The following CACNG2 variants were observed in gnomAD, a reference collection of about 807,000 sequenced individuals.
CACNG2 encodes the protein calcium voltage-gated channel auxiliary subunit gamma 2.
CACNG2 carries 3 observed loss-of-function variants against 25.9 expected under a neutral mutation model. The ratio of observed to expected loss-of-function variants is 0.12; its 90% CI spans 0.05 to 0.30. CACNG2 has a LOEUF of 0.30. Ranked by LOEUF, CACNG2 falls within the 10% of genes least tolerant of loss-of-function variation. The pLI is 1.00. For missense variants in CACNG2, 341 were observed against 432.5 expected (o/e 0.79, Z 1.88); for synonymous variants, 167 against 173.3 (o/e 0.96, Z 0.29).
At chr22:36,587,728 C>T (rs1000602805) in intron 1 of CACNG2, among the ~76,000 whole-genome samples, 180 bp from the exon 2 acceptor site, 14 of 152,346 alleles carry the variant, frequency 9.2e-5, no homozygotes, top group African/African-American at 3.1e-4. Flanking sequence ...AACACACACA[C>T]CCGCAGTACT....
chr22:36,601,314 A>T (rs2145932033), intron 1 of CACNG2, among the ~76,000 whole-genome samples: 1 of 152,224 alleles, frequency 6.6e-6, no homozygotes, highest in South Asian at 2.1e-4. Context: ...AGTTTCATGC[A>T]TGTTGTGGCA....
chr22:36,629,543 T>TGTGA (rs952230457), intron 1 of CACNG2, among the ~76,000 whole-genome samples: 1 of 151,318 alleles, frequency 6.6e-6, no homozygotes, highest in Non-Finnish European at 1.5e-5. Context: ...TGTGTGTGTG[T>TGTGA]GAGAGAGAGA....
At chr22:36,576,846 A>T (rs759854151) in intron 2 of CACNG2, among the ~76,000 whole-genome samples, 1 of 152,166 alleles carries the variant, frequency 6.6e-6, no homozygotes, top group Non-Finnish European at 1.5e-5. Flanking sequence ...ATGAATTAAG[A>T]TAATGTTTCA....
intron 1 of CACNG2, among the ~76,000 whole-genome samples, chr22:36,663,988 C>A (rs1297606479): frequency 1.3e-5 from 2 of 152,174 alleles, no homozygotes; most frequent in South Asian, 2.1e-4. Flanking sequence ...GGAGCACAAC[C>A]AATAATGAGC....
chr22:36,593,850 G>C (rs890935146), intron 1 of CACNG2, among the ~76,000 whole-genome samples: 1 of 151,954 alleles, frequency 6.6e-6, no homozygotes, highest in Non-Finnish European at 1.5e-5. Context: ...CCTGGATTCA[G>C]TCTGATTAAT....
chr22:36,591,825 C>T (rs559163474), intron 1 of CACNG2, among the ~76,000 whole-genome samples: 26 of 152,042 alleles, frequency 1.7e-4, no homozygotes, highest in African/African-American at 5.8e-4. Context: ...CAGCAGAGCT[C>T]GTGGGTGCAG....
At chr22:36,677,577 T>C (rs1335180139) in intron 1 of CACNG2, among the ~76,000 whole-genome samples, 2 of 152,184 alleles carry the variant, frequency 1.3e-5, no homozygotes, top group African/African-American at 4.8e-5. Flanking sequence ...ATTTAACCCA[T>C]TGTGGCCTTA....
intron 1 of CACNG2, among the ~76,000 whole-genome samples, chr22:36,667,051 C>T (rs1936885090): frequency 6.6e-6 from 1 of 151,484 alleles, no homozygotes; most frequent in Admixed American, 6.6e-5. Flanking sequence ...GTGCAGTGGC[C>T]CAATCTTGGC....
Position 36,566,478 on chromosome 22 carries a change from G to C in CACNG2, c.311C>G (p.Ser104Cys). ...CACACTCAGGATTGGGAAAATGCTGGAGGCCCTCACGGCCCCTGTGGAACA... is the reference window on the plus strand; with the variant it reads ...CACACTCAGGATTGGGAAAATGCTGCAGGCCCTCACGGCCCCTGTGGAACA... ...AEYFLRAVRA[S>C]SIFPILSVIL... Residue 104 changes from serine (S) to cysteine (C), a missense_variant, in exon 3 of 4, where the codon TCC (serine) becomes TGC (cysteine). Physicochemically the swap from Ser to Cys is moderately radical, Grantham distance 112 (BLOSUM62 -1). This residue lies in a region of CACNG2 where 169 missense variants were observed against 254.4 expected (regional missense o/e 0.66). Transcript: ENST00000300105. 1 of 1,614,162 alleles carries C rather than the reference G, an allele frequency of 6.2e-7. No homozygotes were observed.
chr22:36,639,856 T>C (rs1254778861), intron 1 of CACNG2, among the ~76,000 whole-genome samples: 1 of 152,212 alleles, frequency 6.6e-6, no homozygotes, highest in Non-Finnish European at 1.5e-5. Flanking sequence ...ATGGGAACCC[T>C]GAGGCCCTGT....
At chr22:36,638,116 T>A (rs990874359) in intron 1 of CACNG2, among the ~76,000 whole-genome samples, 2 of 152,208 alleles carry the variant, frequency 1.3e-5, no homozygotes, top group African/African-American at 4.8e-5. Context: ...TATGTCAATA[T>A]CATTGGTGGT....
At chr22:36,640,200 G>C (rs955927034) in intron 1 of CACNG2, among the ~76,000 whole-genome samples, 1 of 152,140 alleles carries the variant, frequency 6.6e-6, no homozygotes, top group Admixed American at 6.5e-5. Context: ...TGAAGATCGC[G>C]GCTCCTTCAC....
chr22:36,569,700 C>T (rs112828770), intron 2 of CACNG2, among the ~76,000 whole-genome samples: 9 of 152,266 alleles, frequency 5.9e-5, no homozygotes, highest in East Asian at 5.8e-4. Flanking sequence ...CCACCATGTC[C>T]GGCTAATTTT....
At chr22:36,683,592 T>A (rs985718718) in intron 1 of CACNG2, among the ~76,000 whole-genome samples, 1 of 152,126 alleles carries the variant, frequency 6.6e-6, no homozygotes, top group African/African-American at 2.4e-5. Flanking sequence ...CCCACTCAGG[T>A]ATGATCATTA....
intron 1 of CACNG2, among the ~76,000 whole-genome samples, chr22:36,610,376 G>A (rs1162579363): frequency 6.6e-6 from 1 of 151,768 alleles, no homozygotes; most frequent in Admixed American, 6.6e-5. Context: ...TGATTGGGAG[G>A]AATCAGCTCC....
At chr22:36,654,628 C>G (rs9306311) in intron 1 of CACNG2, among the ~76,000 whole-genome samples, 34,521 of 152,036 alleles carry the variant, frequency 0.23, 4,201 homozygotes, top group Middle Eastern at 0.34. Flanking sequence ...AGCTGTGTCT[C>G]TTAAGAGTCA....
intron 1 of CACNG2, among the ~76,000 whole-genome samples, chr22:36,592,070 C>A (rs185903883): frequency 6.6e-6 from 1 of 151,676 alleles, no homozygotes; most frequent in Non-Finnish European, 1.5e-5. Flanking sequence ...ACATTTGTGG[C>A]ATGGGTGCAG....
At chr22:36,572,439 C>T (rs1458128211) in intron 2 of CACNG2, among the ~76,000 whole-genome samples, 1 of 152,176 alleles carries the variant, frequency 6.6e-6, no homozygotes, top group Non-Finnish European at 1.5e-5. Flanking sequence ...TCCAATAAAA[C>T]TTTATTTACA....
chr22:36,654,896 C>G (rs58412198), intron 1 of CACNG2, among the ~76,000 whole-genome samples: 3,253 of 152,060 alleles, frequency 0.021, 122 homozygotes, highest in African/African-American at 0.076. Context: ...TTTTGCCAAA[C>G]TGGTGTCCGA....
Sources: gnomAD v4.1 joint callset for allele counts (sites outside exome capture counted in the v4.1 genomes callset) on GRCh38, gnomAD v4.1.1 for gene constraint, gnomAD v4.1.1 regional missense constraint, MANE v1.5 for transcripts, NCBI Gene and HGNC (gene_info 2026-07-23, HGNC 2026-07-21) for gene names.